Variants in IQGAP2 observed in about 807,000 individuals in gnomAD.
IQGAP2 encodes ras GTPase-activating-like protein IQGAP2.
Under a neutral mutation model 201.3 loss-of-function variants are expected in IQGAP2, and 173 were observed. The observed-to-expected ratio is 0.86, with a 90% CI of 0.76 to 0.98. IQGAP2 has a LOEUF of 0.98. IQGAP2 is among the 50% of genes least tolerant of loss of function. The pLI is 0.00. For synonymous variants in IQGAP2, 675 were observed against 673.9 expected (o/e 1.00, Z -0.03); for missense variants, 1,687 against 1,864.8 (o/e 0.90, Z 1.76).
At chr5:76,438,643 A>G (rs1752856938) in intron 1 of IQGAP2, among the ~76,000 whole-genome samples, 1 of 152,014 alleles carries the variant, frequency 6.6e-6, no homozygotes, top group Admixed American at 6.6e-5. Flanking sequence ...GACTTTCACC[A>G]TGTTGGCCAG....
intron 1 of IQGAP2, among the ~76,000 whole-genome samples, chr5:76,435,846 A>C (rs1461948022): frequency 1.3e-5 from 2 of 152,118 alleles, no homozygotes; most frequent in African/African-American, 4.8e-5. Flanking sequence ...TGCTTGTATC[A>C]TCTGTGATTT....
intron 12 of IQGAP2, chr5:76,609,046 G>A: frequency 6.6e-7 from 1 of 1,507,276 alleles, no homozygotes; most frequent in Non-Finnish European, 8.9e-7. Context: ...GTTCCCAGAG[G>A]GCTTCTGGGT....
At chr5:76,414,415 T>G (rs1460323179) in intron 1 of IQGAP2, among the ~76,000 whole-genome samples, 1 of 152,220 alleles carries the variant, frequency 6.6e-6, no homozygotes, top group Non-Finnish European at 1.5e-5. Context: ...CTTAGGAAGT[T>G]TGTCCAAGAA....
chr5:76,595,551 G>T (rs1200430129), intron 9 of IQGAP2, among the ~76,000 whole-genome samples: 2 of 151,286 alleles, frequency 1.3e-5, no homozygotes, highest in Non-Finnish European at 2.9e-5. Flanking sequence ...TTCAGGCCAG[G>T]AGTTCAAGAC....
chr5:76,604,539 G>A (rs1747666203), intron 11 of IQGAP2, among the ~76,000 whole-genome samples: 1 of 151,734 alleles, frequency 6.6e-6, no homozygotes, highest in Admixed American at 6.6e-5. Context: ...TTTATAGCTT[G>A]TTTTTGTTCA....
At chr5:76,577,340 A>G (rs1745538502) in intron 5 of IQGAP2, among the ~76,000 whole-genome samples, 1 of 152,202 alleles carries the variant, frequency 6.6e-6, no homozygotes, top group South Asian at 2.1e-4. Context: ...AACAAAGAAA[A>G]AACAACTTTT....
intron 2 of IQGAP2, among the ~76,000 whole-genome samples, chr5:76,465,477 G>A (rs753648055): frequency 1.3e-5 from 2 of 152,176 alleles, no homozygotes; most frequent in Non-Finnish European, 2.9e-5. Flanking sequence ...CAGGAATAAG[G>A]ATGTTTTTTC....
At position 76,590,391 on chromosome 5, in the gene IQGAP2, C is replaced by T; in HGVS notation, c.641-17C>T. 6.4e-7 allele frequency: 1 copy of T among 1,569,134 alleles called. No homozygotes were observed. The highest frequency in any genetic ancestry group is 8.6e-7 in the Non-Finnish European group (1 of 1,157,162). On this transcript the variant is annotated splice_polypyrimidine_tract_variant and intron_variant, in intron 7 of 35. Transcript: ENST00000274364. ...TGCTGATAAAAACCTTTTTCTCTCT[C>T]TCTCTTTACTTTTTAGTACATGCTG...
chr5:76,513,562 G>A (rs1758118762), intron 2 of IQGAP2, among the ~76,000 whole-genome samples: 1 of 152,196 alleles, frequency 6.6e-6, no homozygotes, highest in Non-Finnish European at 1.5e-5. Context: ...ATTTGCCACA[G>A]TGAAAGAGTT....
intron 18 of IQGAP2, 109 bp from the exon 19 acceptor site, chr5:76,654,091 C>A: frequency 1.5e-6 from 1 of 663,390 alleles, no homozygotes. Flanking sequence ...TATCAAGTAT[C>A]ATTGTTTTTA....
At chr5:76,667,317 C>T (rs1011141425) in intron 22 of IQGAP2, among the ~76,000 whole-genome samples, 1 of 152,126 alleles carries the variant, frequency 6.6e-6, no homozygotes, top group South Asian at 2.1e-4. Flanking sequence ...AAAAGTAAAC[C>T]TAAGTGATAA....
chr5:76,693,031 C>G (rs1013206682), intron 30 of IQGAP2, among the ~76,000 whole-genome samples: 12 of 152,174 alleles, frequency 7.9e-5, no homozygotes, highest in Non-Finnish European at 1.6e-4. Flanking sequence ...ACTTGCTCCC[C>G]CTGCCCATCA....
At chr5:76,458,726 C>T (rs915549745) in intron 1 of IQGAP2, among the ~76,000 whole-genome samples, 3 of 152,098 alleles carry the variant, frequency 2.0e-5, no homozygotes, top group Non-Finnish European at 4.4e-5. Flanking sequence ...ATAGAACCTA[C>T]GAATTGAACA....
chr5:76,418,734 G>T (rs1751554745), intron 1 of IQGAP2, among the ~76,000 whole-genome samples: 1 of 152,178 alleles, frequency 6.6e-6, no homozygotes, highest in Admixed American at 6.5e-5. Flanking sequence ...GGAGGATAAA[G>T]CTTGGGAAGG....
chr5:76,415,837 C>T (rs745328697), intron 1 of IQGAP2, among the ~76,000 whole-genome samples: 12 of 151,874 alleles, frequency 7.9e-5, no homozygotes, highest in Admixed American at 3.9e-4. Flanking sequence ...CCCAGCTACT[C>T]CGGAGGCTTA....
chr5:76,564,004 AAG>A (rs1380358746), intron 3 of IQGAP2, among the ~76,000 whole-genome samples: 1 of 149,200 alleles, frequency 6.7e-6, no homozygotes, highest in Non-Finnish European at 1.5e-5. Context: ...TCTGGTCAAA[AAG>A]GTCACTGAGC....
rs1030383895 is a variant in IQGAP2, at chr5:76,525,927, C to T, written c.147-36469C>T. Among the ~76,000 whole-genome samples the T allele has an allele frequency of 7.9e-5, 12 of 152,250 alleles. No individual in the cohort carries two copies. The East Asian group carries it at 1.2e-3, about 15-fold the overall frequency. On this transcript the variant is annotated intron_variant, in intron 2 of 35. Coordinates refer to ENST00000274364, the MANE Select transcript of IQGAP2 (RefSeq NM_006633.5). ...CAGGTATTTCTGTTGGAGACAAGGT[C>T]ATAGATACTGCCAATATCTGGTGGG...
chr5:76,674,453 T>C, intron 26 of IQGAP2, 24 bp from the exon 27 acceptor site: 1 of 1,414,594 alleles, frequency 7.1e-7, no homozygotes, highest in Non-Finnish European at 9.9e-7. Context: ...TTAAAAATGG[T>C]CATGCACTTC....
chr5:76,638,121 G>A (rs1271551663), intron 16 of IQGAP2, among the ~76,000 whole-genome samples: 1 of 152,218 alleles, frequency 6.6e-6, no homozygotes, highest in Non-Finnish European at 1.5e-5. Context: ...ACATTTGTTA[G>A]TTTTTGTTTC....
Sources: gnomAD v4.1 joint callset for allele counts (sites outside exome capture counted in the v4.1 genomes callset) on GRCh38, gnomAD v4.1.1 for gene constraint, MANE v1.5 for transcripts, NCBI Gene and HGNC (gene_info 2026-07-23, HGNC 2026-07-21) for gene names.